Variants in ATG7 observed in about 807,000 individuals in gnomAD.
The protein encoded by ATG7 is ubiquitin-like modifier-activating enzyme ATG7.
In ATG7, 70 loss-of-function variants were observed where a neutral mutation model predicts 82.4. The ratio of observed to expected loss-of-function variants is 0.85; its 90% confidence interval spans 0.70 to 1.04. ATG7 has a LOEUF of 1.04. ATG7 is among the 50% of genes least tolerant of loss of function. The probability of loss-of-function intolerance (pLI) is 0.00; values close to 1 mark genes in which losing one functional copy is unlikely to be tolerated. For missense variants in ATG7, 792 were observed against 864.3 expected (o/e 0.92, Z 1.05); for synonymous variants, 287 against 313.0 (o/e 0.92, Z 0.88).
intron 20 of ATG7, among the ~76,000 whole-genome samples, chr3:11,526,409 C>T (rs147414270): frequency 6.6e-6 from 1 of 151,892 alleles, no homozygotes; most frequent in African/African-American, 2.4e-5. Context: ...AACAAAAAAA[C>T]CCCCAGACAA....
At chr3:11,473,260 C>G (rs937016008) in intron 20 of ATG7, among the ~76,000 whole-genome samples, 1 of 152,202 alleles carries the variant, frequency 6.6e-6, no homozygotes, top group Non-Finnish European at 1.5e-5. Context: ...CCCTCCAGTT[C>G]TGCAGCCACA....
chr3:11,449,145 G>A (rs1423477034), intron 20 of ATG7, among the ~76,000 whole-genome samples: 1 of 152,200 alleles, frequency 6.6e-6, no homozygotes, highest in South Asian at 2.1e-4. Flanking sequence ...TGCAGCGTGA[G>A]CTTGTAATGC....
intron 20 of ATG7, among the ~76,000 whole-genome samples, chr3:11,513,240 C>T (rs1284178157): frequency 3.9e-5 from 6 of 152,252 alleles, no homozygotes; most frequent in African/African-American, 9.6e-5. Flanking sequence ...CTGCGCCGTG[C>T]GTCTGCACTC....
In ATG7 at chr3:11,557,392, G is replaced by T. The variant is rs1040361311; in HGVS notation, c.*2549G>T. The T allele has an allele frequency of 1.3e-5, 2 of 152,788 alleles. No homozygotes were observed. Among genetic ancestry groups the T allele is most frequent in the Non-Finnish European group, 1.5e-5 (1 of 68,054 alleles). The allele number at this position is 152,788 out of a possible 1,614,324, so 9.5% of individuals were successfully genotyped here. On this transcript the variant is annotated 3_prime_UTR_variant, in exon 21 of 21. Coordinates refer to ENST00000693202, the MANE Select transcript of ATG7 (RefSeq NM_001349232.2). ...AGTTCAAAGGGAGCAGTTTCTGCAT[G>T]TAGGGAAGTTGGAAGACACAAACCC...
intron 20 of ATG7, among the ~76,000 whole-genome samples, chr3:11,462,773 T>A (rs959252254): frequency 2.6e-5 from 4 of 152,146 alleles, no homozygotes; most frequent in African/African-American, 9.7e-5. Flanking sequence ...AAAGGTTTTT[T>A]AAAAGATGTT....
chr3:11,379,864 G>A (rs1469007232), intron 18 of ATG7, 108 bp from the exon 19 acceptor site: 2 of 1,062,916 alleles, frequency 1.9e-6, no homozygotes, highest in African/African-American at 3.1e-5. Context: ...TCTCTTTCCG[G>A]GCCGCCATAT....
intron 20 of ATG7, among the ~76,000 whole-genome samples, chr3:11,519,865 G>C (rs2092397609): frequency 6.6e-6 from 1 of 151,926 alleles, no homozygotes; most frequent in African/African-American, 2.4e-5. Flanking sequence ...CCAGCCGAGA[G>C]GAGTTTTTAT....
intron 20 of ATG7, among the ~76,000 whole-genome samples, chr3:11,545,242 G>A (rs1306891702): frequency 1.3e-5 from 2 of 152,190 alleles, no homozygotes; most frequent in Non-Finnish European, 2.9e-5. Flanking sequence ...TCTGTGCAAG[G>A]GGAAGATTTT....
intron 7 of ATG7, among the ~76,000 whole-genome samples, 178 bp downstream of exon 7, chr3:11,309,239 A>G (rs932067080): frequency 6.6e-6 from 1 of 152,208 alleles, no homozygotes; most frequent in Non-Finnish European, 1.5e-5. Context: ...CCTATTACCA[A>G]TGCTAACTTA....
intron 20 of ATG7, among the ~76,000 whole-genome samples, chr3:11,480,045 A>C (rs533285874): frequency 5.0e-4 from 76 of 151,718 alleles, no homozygotes; most frequent in Middle Eastern, 6.8e-3. Flanking sequence ...CTCCTGCCTC[A>C]GCCTCCCAAG....
intron 19 of ATG7, among the ~76,000 whole-genome samples, chr3:11,385,688 A>G (rs1472330408): frequency 6.6e-6 from 1 of 152,236 alleles, no homozygotes; most frequent in Non-Finnish European, 1.5e-5. Flanking sequence ...GGCCTTGCAG[A>G]GGATGACTTC....
At chr3:11,373,993 G>A (rs1013234070) in intron 18 of ATG7, among the ~76,000 whole-genome samples, 10 of 152,044 alleles carry the variant, frequency 6.6e-5, no homozygotes, top group African/African-American at 1.5e-4. Flanking sequence ...ATTGTCTTAC[G>A]AGCAAATCAC....
chr3:11,324,462 G>A (rs887327866), intron 9 of ATG7, among the ~76,000 whole-genome samples: 9 of 152,006 alleles, frequency 5.9e-5, no homozygotes, highest in Admixed American at 1.3e-4. Context: ...CCTATTCGAC[G>A]CCTGCCTTCT....
intron 19 of ATG7, among the ~76,000 whole-genome samples, chr3:11,400,330 C>G (rs2079713943): frequency 6.6e-6 from 1 of 152,156 alleles, no homozygotes; most frequent in South Asian, 2.1e-4. Flanking sequence ...AAACTGTTCC[C>G]TCTTATGCTG....
At chr3:11,564,398 A>G in the ATG7 span, among the ~76,000 whole-genome samples, 28 of 80,512 alleles carry the variant, frequency 3.5e-4, no homozygotes, top group East Asian at 0.011. Context: ...TAAAGGAGAA[A>G]CGTAGGACCC....
Position 11,367,172 on chromosome 3 carries a change from A to G in ATG7, c.1875+2438A>G, listed in dbSNP as rs1575742679. 2.0e-5 allele frequency among the ~76,000 whole-genome samples: 3 copies of G among 152,148 alleles called. No individual in the cohort carries two copies. In the East Asian group the frequency reaches 5.8e-4, roughly 29 times the overall value. ...CCCCCTAAGTGGAGTGAGTCCATTT[A>G]TGCAACCATGTTTTGATTAGGGGAC... is the stretch of plus-strand genomic sequence containing the variant. On this transcript the variant is annotated intron_variant, in intron 18 of 20. Coordinates refer to ENST00000693202, the MANE Select transcript of ATG7 (RefSeq NM_001349232.2).
At chr3:11,519,783 G>A (rs556795623) in intron 20 of ATG7, among the ~76,000 whole-genome samples, 1 of 151,832 alleles carries the variant, frequency 6.6e-6, no homozygotes, top group East Asian at 1.9e-4. Flanking sequence ...GGATAATCTC[G>A]ATCTCCTGAC....
intron 20 of ATG7, among the ~76,000 whole-genome samples, chr3:11,486,999 G>A (rs2089755523): frequency 6.6e-6 from 1 of 151,756 alleles, no homozygotes; most frequent in Admixed American, 6.6e-5. Flanking sequence ...CAGTGTTTGT[G>A]TCCCTGATTA....
the ATG7 span, chr3:11,569,015 G>A: frequency 1.1e-6 from 1 of 940,710 alleles, no homozygotes; most frequent in South Asian, 3.8e-5. Flanking sequence ...AGAGCTTTCT[G>A]AGTACTGAAA....
Sources: gnomAD v4.1 joint callset for allele counts (sites outside exome capture counted in the v4.1 genomes callset) on GRCh38, gnomAD v4.1.1 for gene constraint, MANE v1.5 for transcripts, NCBI Gene and HGNC (gene_info 2026-07-23, HGNC 2026-07-21) for gene names.